The following ZMAT4 variants were observed in gnomAD, a reference collection of about 807,000 sequenced individuals.
ZMAT4 encodes the protein zinc finger matrin-type protein 4.
ZMAT4 carries 17 observed loss-of-function variants against 28.7 expected under a neutral mutation model. The ratio of observed to expected loss-of-function variants is 0.59; its 90% confidence interval spans 0.41 to 0.89. ZMAT4 has a LOEUF of 0.89. Ranked by LOEUF, ZMAT4 falls within the 40% of genes least tolerant of loss-of-function variation. The pLI, the probability that ZMAT4 is intolerant of heterozygous loss-of-function variation, is 0.00. For synonymous variants in ZMAT4, 117 were observed against 109.2 expected, an observed-to-expected ratio of 1.07 and a Z score of -0.44; for missense variants, 240 against 283.8, an observed-to-expected ratio of 0.85 and a Z score of 1.11.
intron 5 of ZMAT4, among the ~76,000 whole-genome samples, chr8:40,636,992 A>G (rs1806815468): frequency 6.6e-6 from 1 of 152,130 alleles, no homozygotes; most frequent in Non-Finnish European, 1.5e-5. Flanking sequence ...TTTAGCTGAG[A>G]CTTGAAGGTG....
intron 3 of ZMAT4, among the ~76,000 whole-genome samples, chr8:40,755,132 A>C (rs375695422): frequency 3.3e-5 from 5 of 152,226 alleles, no homozygotes; most frequent in African/African-American, 1.2e-4. Context: ...TTCTCTGAAA[A>C]GAAACAAAGC....
intron 5 of ZMAT4, among the ~76,000 whole-genome samples, chr8:40,671,695 A>C (rs1808676666): frequency 6.6e-6 from 1 of 152,202 alleles, no homozygotes; most frequent in Non-Finnish European, 1.5e-5. Flanking sequence ...TTTTCCCATG[A>C]TGGAAAAGTT....
At chr8:40,586,302 C>T (rs557487963) in intron 5 of ZMAT4, among the ~76,000 whole-genome samples, 5 of 152,248 alleles carry the variant, frequency 3.3e-5, no homozygotes, top group African/African-American at 7.2e-5. Context: ...TCATTTTCAG[C>T]GCAACACCAT....
chr8:40,578,642 T>G (rs943165645), intron 6 of ZMAT4, among the ~76,000 whole-genome samples: 2 of 152,174 alleles, frequency 1.3e-5, no homozygotes, highest in Non-Finnish European at 2.9e-5. Context: ...ATCACAAGCA[T>G]GCCCGCACAT....
intron 2 of ZMAT4, among the ~76,000 whole-genome samples, chr8:40,799,854 C>T (rs1437685061): frequency 6.6e-6 from 1 of 152,030 alleles, no homozygotes; most frequent in Non-Finnish European, 1.5e-5. Flanking sequence ...GGGTATAGTG[C>T]TATTTGAAAG....
intron 5 of ZMAT4, among the ~76,000 whole-genome samples, chr8:40,633,864 G>C (rs1218705679): frequency 1.3e-5 from 2 of 152,176 alleles, no homozygotes; most frequent in African/African-American, 4.8e-5. Flanking sequence ...TAAGCCAGGA[G>C]CACCATGAAG....
In ZMAT4 at chr8:40,540,030, T is replaced by A. The variant is rs187100846; in HGVS notation, c.675-7792A>T. Among the ~76,000 whole-genome samples, 561 of 152,282 alleles carry A rather than the reference T, an allele frequency of 3.7e-3. 2 individuals carry two copies. Among genetic ancestry groups the A allele is most frequent in the African/African-American group, 0.013 (543 of 41,544 alleles). On this transcript the variant is annotated intron_variant, in intron 6 of 6. Coordinates refer to ENST00000297737, the MANE Select transcript of ZMAT4 (RefSeq NM_024645.3). Reference sequence around the variant, plus strand: ...TTCAGTCACATGACCAATACTTCAGTCATACCTAAGTAATGAAAGCATAAT... The same window carrying A: ...TTCAGTCACATGACCAATACTTCAGACATACCTAAGTAATGAAAGCATAAT...
chr8:40,739,298 C>A (rs964567127), intron 3 of ZMAT4, among the ~76,000 whole-genome samples: 2 of 152,156 alleles, frequency 1.3e-5, no homozygotes, highest in East Asian at 3.9e-4. Flanking sequence ...AGACCCTTCT[C>A]GTAACTTTAA....
chr8:40,660,915 C>T (rs1808164137), intron 5 of ZMAT4, among the ~76,000 whole-genome samples: 1 of 152,058 alleles, frequency 6.6e-6, no homozygotes, highest in Non-Finnish European at 1.5e-5. Context: ...TTTTATTTGC[C>T]TCGGAAATCA....
At chr8:40,865,735 C>T (rs150024348) in intron 1 of ZMAT4, among the ~76,000 whole-genome samples, 1 of 152,308 alleles carries the variant, frequency 6.6e-6, no homozygotes, top group African/African-American at 2.4e-5. Context: ...AAAGCTGGGA[C>T]TCGAACCCGG....
chr8:40,731,422 C>CAG (rs113359234), intron 3 of ZMAT4, among the ~76,000 whole-genome samples: 41 of 149,810 alleles, frequency 2.7e-4, no homozygotes, highest in African/African-American at 2.9e-4. Context: ...AATGATCAGA[C>CAG]AGAGAGAGAG....
chr8:40,697,234 C>A lies in ZMAT4; in HGVS notation c.349+11G>T. On this transcript the variant is annotated intron_variant, in intron 4 of 6. Transcript: ENST00000297737. ...TCAGGGTCTCCCCACGATCACTGTT[C>A]CTGCACGTACCTGTGGTCTTTAATG... is the stretch of plus-strand genomic sequence containing the variant. The A allele has an allele frequency of 6.3e-7, 1 of 1,595,734 alleles. No individual in the cohort carries two copies.
chr8:40,896,256 G>A lies in ZMAT4; in HGVS notation c.-5+1427C>T, dbSNP rs144443842. 2.5e-4 allele frequency among the ~76,000 whole-genome samples: 38 copies of A among 152,310 alleles called. 1 individual carries two copies. Among genetic ancestry groups the A allele is most frequent in the African/African-American group, 8.4e-4 (35 of 41,576 alleles). On this transcript the variant is annotated intron_variant, in intron 1 of 6. Coordinates refer to ENST00000297737, the MANE Select transcript of ZMAT4 (RefSeq NM_024645.3). The stretch of plus-strand genomic sequence containing the variant: ...AATCAAGACTGTCATCTGCATCTCC[G>A]TGGAAGGGTGCCCTGAGGAAGAGGT...
chr8:40,688,296 A>C (rs1314823999), intron 4 of ZMAT4, among the ~76,000 whole-genome samples: 1 of 152,032 alleles, frequency 6.6e-6, no homozygotes, highest in East Asian at 1.9e-4. Context: ...TCTCTACTAA[A>C]AATACAAAAA....
intron 6 of ZMAT4, among the ~76,000 whole-genome samples, chr8:40,533,159 T>C (rs1461628888): frequency 1.3e-5 from 2 of 152,234 alleles, no homozygotes; most frequent in African/African-American, 4.8e-5. Context: ...ACATTTTAAT[T>C]TAATCCACAG....
At chr8:40,873,198 C>A (rs138031313) in intron 1 of ZMAT4, among the ~76,000 whole-genome samples, 66 of 152,348 alleles carry the variant, frequency 4.3e-4, no homozygotes, top group Admixed American at 1.8e-3. Flanking sequence ...AGTCCCAAAT[C>A]AGCATTCCTT....
chr8:40,874,164 T>C (rs768311524), intron 1 of ZMAT4, among the ~76,000 whole-genome samples: 9 of 152,210 alleles, frequency 5.9e-5, no homozygotes, highest in Non-Finnish European at 1.2e-4. Flanking sequence ...GCCTCTTTCA[T>C]GGCTTAAGTT....
intron 3 of ZMAT4, among the ~76,000 whole-genome samples, chr8:40,719,345 G>A (rs570177698): frequency 1.5e-3 from 232 of 152,182 alleles, no homozygotes; most frequent in African/African-American, 5.4e-3. Context: ...TGGGGGCTGA[G>A]GCAAGATAAT....
chr8:40,798,096 GT>G (rs1814671782), intron 2 of ZMAT4, among the ~76,000 whole-genome samples: 1 of 152,166 alleles, frequency 6.6e-6, no homozygotes, highest in South Asian at 2.1e-4. Flanking sequence ...AAAGAACTGG[GT>G]GCAGGGGGAA....
Sources: gnomAD v4.1 joint callset for allele counts (sites outside exome capture counted in the v4.1 genomes callset) on GRCh38, gnomAD v4.1.1 for gene constraint, MANE v1.5 for transcripts, NCBI Gene and HGNC (gene_info 2026-07-23, HGNC 2026-07-21) for gene names.